HYCC2: variants seen among roughly 807,000 people sequenced by gnomAD.
HYCC2 encodes the protein hyccin 2.
At chr2:201,007,410 T>C in the HYCC2 span, among the ~76,000 whole-genome samples, 1 of 152,212 alleles carries the variant, frequency 6.6e-6, no homozygotes, top group Non-Finnish European at 1.5e-5. Context: ...AAATTGAGTA[T>C]CTCATGTAAT....
the HYCC2 span, chr2:200,980,999 A>G: frequency 1.9e-5 from 9 of 475,516 alleles, no homozygotes; most frequent in South Asian, 2.0e-4. Context: ...ATTGCACATC[A>G]CCCAAGGAGA....
At chr2:201,008,680 A>G in the HYCC2 span, among the ~76,000 whole-genome samples, 2 of 152,150 alleles carry the variant, frequency 1.3e-5, no homozygotes, top group African/African-American at 4.8e-5. Flanking sequence ...GAAGTGCTTG[A>G]GGCCAGGAGT....
chr2:200,974,359 A>T, the HYCC2 span: 1 of 152,096 alleles, frequency 6.6e-6, no homozygotes, highest in Non-Finnish European at 1.5e-5. Context: ...ATTATAGCTC[A>T]GGAGACTCAA....
At chr2:200,992,819 A>G in the HYCC2 span, 2 of 968,206 alleles carry the variant, frequency 2.1e-6, no homozygotes, top group African/African-American at 3.2e-5. Flanking sequence ...GATAAGGAAG[A>G]AAGAGAAATA....
the HYCC2 span, among the ~76,000 whole-genome samples, chr2:201,010,660 CTTT>C: frequency 6.6e-6 from 1 of 151,822 alleles, no homozygotes; most frequent in Non-Finnish European, 1.5e-5. Context: ...TGTCAACATT[CTTT>C]TAAGTAGTTA....
the HYCC2 span, among the ~76,000 whole-genome samples, chr2:201,046,906 A>AC: frequency 9.3e-3 from 1,411 of 152,306 alleles, 12 homozygotes; most frequent in South Asian, 0.017. Context: ...ACAATTTAAA[A>AC]ATTACTAAAA....
the HYCC2 span, chr2:200,992,178 G>T: frequency 1.3e-6 from 1 of 750,808 alleles, no homozygotes. Context: ...TGTTATCATG[G>T]AATACAAATT....
the HYCC2 span, among the ~76,000 whole-genome samples, chr2:201,047,793 A>G: frequency 6.7e-6 from 1 of 149,568 alleles, no homozygotes; most frequent in African/African-American, 2.4e-5. Context: ...TAATAGAATA[A>G]CACTGTTAAA....
the HYCC2 span, chr2:200,979,302 C>G: frequency 1.1e-4 from 16 of 152,018 alleles, no homozygotes; most frequent in African/African-American, 3.6e-4. Flanking sequence ...CACACAGACA[C>G]ACACAAAACA....
the HYCC2 span, among the ~76,000 whole-genome samples, chr2:201,020,426 A>AT: frequency 5.1e-4 from 77 of 152,338 alleles, 1 homozygote; most frequent in Admixed American, 2.0e-4. Flanking sequence ...GACAGAGGCT[A>AT]TGAATAAGCA....
chr2:201,066,782 G>A, the HYCC2 span: 2 of 153,308 alleles, frequency 1.3e-5, no homozygotes, highest in Non-Finnish European at 2.9e-5. Flanking sequence ...GTGCTGAAAG[G>A]CTGAAAGTAG....
chr2:201,045,840 C>A, the HYCC2 span, among the ~76,000 whole-genome samples: 1 of 152,054 alleles, frequency 6.6e-6, no homozygotes, highest in Non-Finnish European at 1.5e-5. Context: ...ATCTATAAGA[C>A]CTTGAGTAGA....
the HYCC2 span, among the ~76,000 whole-genome samples, chr2:201,027,846 C>G: frequency 1.3e-5 from 2 of 152,172 alleles, no homozygotes; most frequent in African/African-American, 4.8e-5. Flanking sequence ...TGACAACCTA[C>G]AGCCAATATC....
At chr2:201,066,298 T>C in the HYCC2 span, among the ~76,000 whole-genome samples, 1 of 152,166 alleles carries the variant, frequency 6.6e-6, no homozygotes, top group African/African-American at 2.4e-5. Context: ...GGTCTCGAAA[T>C]CCTGACCTCA....
chr2:200,987,580 T>C, the HYCC2 span: 11 of 1,263,318 alleles, frequency 8.7e-6, no homozygotes, highest in East Asian at 5.6e-4. Flanking sequence ...TGCTCTATTA[T>C]TTTCTGAGCA....
chr2:201,063,210 C>T, the HYCC2 span: 5 of 1,605,696 alleles, frequency 3.1e-6, no homozygotes, highest in Non-Finnish European at 4.2e-6. Context: ...GGAACGCTCA[C>T]AGACTGTGTG....
At chr2:201,062,591 C>A in the HYCC2 span, among the ~76,000 whole-genome samples, 863 of 151,000 alleles carry the variant, frequency 5.7e-3, 13 homozygotes, top group East Asian at 0.02. Context: ...GCAGAGCTTG[C>A]AGTGAGCTGA....
the HYCC2 span, chr2:201,008,988 A>C: frequency 1.2e-6 from 2 of 1,609,716 alleles, no homozygotes; most frequent in East Asian, 4.5e-5. Context: ...CTGTGCAGTG[A>C]ATGTTTCCCT....
At chr2:200,997,108 A>T in the HYCC2 span, 1 of 170,922 alleles carries the variant, frequency 5.9e-6, no homozygotes, top group African/African-American at 2.4e-5. Context: ...TACAAAAATT[A>T]GCTGAGAGTC....
Sources: gnomAD v4.1 joint callset for allele counts (sites outside exome capture counted in the v4.1 genomes callset) on GRCh38, gnomAD v4.1.1 for gene constraint, MANE v1.5 for transcripts, NCBI Gene and HGNC (gene_info 2026-07-23, HGNC 2026-07-21) for gene names.